GRIK2: variants seen among roughly 807,000 people sequenced by gnomAD.
The protein encoded by GRIK2 is glutamate receptor ionotropic, kainate 2.
Under a neutral mutation model 100.3 loss-of-function variants are expected in GRIK2, and 32 were observed. The observed-to-expected ratio is 0.32, with a 90% CI of 0.24 to 0.43. The LOEUF is 0.43. Ranked by LOEUF, GRIK2 falls within the 20% of genes least tolerant of loss-of-function variation. The pLI is 1.00. For missense variants in GRIK2, 843 were observed against 1,114.9 expected (o/e 0.76, Z 3.47); for synonymous variants, 417 against 389.4 (o/e 1.07, Z -0.83).
chr6:101,626,351 T>C (rs549318415), intron 3 of GRIK2, 29 bp from the exon 4 acceptor site: 1 of 1,593,106 alleles, frequency 6.3e-7, no homozygotes, highest in Admixed American at 1.7e-5. Flanking sequence ...TCTCCTCTCA[T>C]TATTGACAGA....
At chr6:101,836,618 GT>G (rs1562426725) in intron 10 of GRIK2, among the ~76,000 whole-genome samples, 2 of 119,320 alleles carry the variant, frequency 1.7e-5, no homozygotes, top group Admixed American at 8.5e-5. Context: ...TATATATATA[GT>G]TATATATATA....
intron 14 of GRIK2, among the ~76,000 whole-genome samples, chr6:102,006,390 A>ATT (rs34620995): frequency 0.047 from 5,352 of 113,990 alleles, 226 homozygotes; most frequent in East Asian, 0.1. Context: ...ATATATATAT[A>ATT]TTTTTTTTTT....
intron 14 of GRIK2, among the ~76,000 whole-genome samples, chr6:101,941,254 G>T (rs2128475632): frequency 6.6e-6 from 1 of 152,072 alleles, no homozygotes; most frequent in South Asian, 2.1e-4. Flanking sequence ...AATTTAAAAT[G>T]AAGTTACACT....
At chr6:101,525,048 T>C (rs991934419) in intron 2 of GRIK2, among the ~76,000 whole-genome samples, 2 of 152,112 alleles carry the variant, frequency 1.3e-5, no homozygotes, top group African/African-American at 2.4e-5. Context: ...TTGCGTGTTC[T>C]TGAAAGCAGT....
intron 7 of GRIK2, among the ~76,000 whole-genome samples, chr6:101,691,236 T>C (rs2128346937): frequency 6.6e-6 from 1 of 152,280 alleles, no homozygotes; most frequent in South Asian, 2.1e-4. Context: ...ATTATCAATA[T>C]ATCTAATCAT....
intron 4 of GRIK2, among the ~76,000 whole-genome samples, chr6:101,648,382 CTG>C (rs1781627108): frequency 6.6e-6 from 1 of 152,022 alleles, no homozygotes; most frequent in South Asian, 2.1e-4. Flanking sequence ...GTGATATAAA[CTG>C]TTTATTGATC....
chr6:101,544,977 G>A (rs570801173), intron 2 of GRIK2, among the ~76,000 whole-genome samples: 5 of 152,060 alleles, frequency 3.3e-5, no homozygotes, highest in Admixed American at 1.3e-4. Flanking sequence ...AATAAAGACC[G>A]CCCTAGGATG....
intron 3 of GRIK2, 95 bp from the exon 4 acceptor site, chr6:101,626,285 G>T: frequency 9.0e-7 from 1 of 1,110,940 alleles, no homozygotes; most frequent in Non-Finnish European, 1.3e-6. Context: ...TCTTTCTTGA[G>T]AATGATACCT....
intron 14 of GRIK2, among the ~76,000 whole-genome samples, chr6:102,031,115 ACACACACACACACC>A (rs201175074): frequency 0.05 from 7,267 of 144,030 alleles, 351 homozygotes; most frequent in East Asian, 0.27. Context: ...ACACACACAC[ACACACACACACACC>A]CCCTTTGAGT....
intron 2 of GRIK2, among the ~76,000 whole-genome samples, chr6:101,490,558 A>G (rs1430345857): frequency 6.1e-5 from 9 of 147,020 alleles, no homozygotes; most frequent in Non-Finnish European, 1.5e-5. Context: ...TGTACAATAG[A>G]TAAGTGAAGA....
intron 12 of GRIK2, among the ~76,000 whole-genome samples, chr6:101,900,257 G>C (rs929373212): frequency 5.3e-5 from 8 of 152,116 alleles, no homozygotes; most frequent in African/African-American, 1.7e-4. Context: ...CTGAGGTCAG[G>C]AGTTCAAGAC....
At chr6:101,979,938 T>C (rs1793613993) in intron 14 of GRIK2, among the ~76,000 whole-genome samples, 1 of 151,924 alleles carries the variant, frequency 6.6e-6, no homozygotes, top group African/African-American at 2.4e-5. Flanking sequence ...CAAGAACCAA[T>C]TAAAGCTGTG....
chr6:102,062,115 A>C (rs563330679), intron 16 of GRIK2, among the ~76,000 whole-genome samples: 4 of 150,476 alleles, frequency 2.7e-5, no homozygotes, highest in South Asian at 4.1e-4. Context: ...TGCAAAATAC[A>C]ATATGAGGAT....
chr6:101,597,938 C>T (rs1461550656), intron 2 of GRIK2, among the ~76,000 whole-genome samples: 1 of 151,682 alleles, frequency 6.6e-6, no homozygotes, highest in Non-Finnish European at 1.5e-5. Context: ...ATTCTCTCAT[C>T]TCAATCTGGT....
chr6:101,839,777 G>T (rs1468814270), intron 10 of GRIK2, among the ~76,000 whole-genome samples: 3 of 152,128 alleles, frequency 2.0e-5, no homozygotes, highest in African/African-American at 7.2e-5. Flanking sequence ...TTGCAAATTG[G>T]ACTTTATGAA....
intron 2 of GRIK2, among the ~76,000 whole-genome samples, chr6:101,491,607 C>G (rs575887402): frequency 9.2e-5 from 14 of 151,624 alleles, no homozygotes; most frequent in Non-Finnish European, 1.6e-4. Flanking sequence ...ATTTGTCTCC[C>G]GTCTCTGTCT....
chr6:101,629,316 G>A (rs1054423193), intron 4 of GRIK2, among the ~76,000 whole-genome samples: 4 of 152,046 alleles, frequency 2.6e-5, no homozygotes, highest in African/African-American at 9.7e-5. Flanking sequence ...GAATAAATAT[G>A]TCTTGAAATC....
intron 2 of GRIK2, among the ~76,000 whole-genome samples, chr6:101,576,704 T>C (rs1475849419): frequency 6.6e-6 from 1 of 152,096 alleles, no homozygotes; most frequent in Admixed American, 6.6e-5. Flanking sequence ...TTTAGGTATC[T>C]ATTTAAGAAA....
intron 2 of GRIK2, among the ~76,000 whole-genome samples, chr6:101,452,615 T>C (rs1163532249): frequency 6.6e-6 from 1 of 151,818 alleles, no homozygotes; most frequent in Non-Finnish European, 1.5e-5. Flanking sequence ...CAAAGATATG[T>C]TTGCTCAATG....
Sources: allele counts gnomAD v4.1 joint callset (sites outside exome capture counted in the v4.1 genomes callset), GRCh38; gene constraint gnomAD v4.1.1; transcripts MANE v1.5; gene names NCBI Gene and HGNC (gene_info 2026-07-23, HGNC 2026-07-21).